Variants in EXO1 observed in about 807,000 individuals in gnomAD.
EXO1 encodes the protein exonuclease 1.
EXO1 carries 69 observed loss-of-function variants against 84.5 expected under a neutral mutation model. That is an observed-to-expected ratio of 0.82 (90% CI 0.67 to 1.00). The LOEUF is 1.00. EXO1 is among the 50% of genes least tolerant of loss of function. EXO1 has a pLI of 0.00. For missense variants in EXO1, 1,045 were observed against 1,000.7 expected, an observed-to-expected ratio of 1.04 and a Z score of -0.60; for synonymous variants, 373 against 366.1, an observed-to-expected ratio of 1.02 and a Z score of -0.21.
intron 14 of EXO1, among the ~76,000 whole-genome samples, chr1:241,884,666 T>G (rs1662946434): frequency 6.4e-5 from 1 of 15,620 alleles, no homozygotes; most frequent in Non-Finnish European, 2.8e-4. Flanking sequence ...TGTGTGTGTG[T>G]GTGTGTGTGT....
chr1:241,857,595 T>C (rs1303958826), intron 7 of EXO1, 113 bp downstream of exon 7: 1 of 351,520 alleles, frequency 2.8e-6, no homozygotes, highest in Non-Finnish European at 4.7e-6. Context: ...ATTTATAAAA[T>C]TTATAATATT....
At chr1:241,863,356 A>G (rs1469322901) in intron 10 of EXO1, among the ~76,000 whole-genome samples, 1 of 151,824 alleles carries the variant, frequency 6.6e-6, no homozygotes, top group Non-Finnish European at 1.5e-5. Flanking sequence ...ACTGATGTGT[A>G]TCCTCAGTTT....
chr1:241,887,035 G>A (rs1365944271), intron 15 of EXO1, among the ~76,000 whole-genome samples: 3 of 152,054 alleles, frequency 2.0e-5, no homozygotes, highest in African/African-American at 7.2e-5. Flanking sequence ...TTTAGATAGT[G>A]GTAAATTTTC....
In EXO1 at chr1:241,889,827, G is replaced by GT. The variant is rs1340513671; in HGVS notation, c.*232dup. ...AGAAGAATAATTGTATCTCTGACAG[G>GT]TTTTTGGAGGTTTTAGTGTTAATTG... is the stretch of plus-strand genomic sequence containing the variant. On this transcript the variant is annotated 3_prime_UTR_variant, in exon 16 of 16. Transcript: ENST00000366548. 1.9e-6 allele frequency: 1 copy of GT among 516,982 alleles called. No homozygotes were observed. Among genetic ancestry groups the GT allele is most frequent in the African/African-American group, 1.9e-5 (1 of 52,134 alleles). 32.0% of individuals were successfully genotyped at this position (516,982 alleles called of 1,614,324 possible). A position where few individuals can be genotyped will look rare whatever the true frequency, so the allele number is the denominator to read the frequency against.
At chr1:241,857,266 T>C in intron 6 of EXO1, 79 bp from the exon 7 acceptor site, 1 of 1,401,848 alleles carries the variant, frequency 7.1e-7, no homozygotes, top group Non-Finnish European at 1.0e-6. Flanking sequence ...AGGCTAGTAA[T>C]AAAGTGGGTT....
chr1:241,887,333 C>T (rs141671674), intron 15 of EXO1, among the ~76,000 whole-genome samples: 59 of 152,298 alleles, frequency 3.9e-4, no homozygotes, highest in Non-Finnish European at 6.6e-4. Flanking sequence ...AGGTGTGAGC[C>T]ACCTTGCCTG....
chr1:241,882,339 C>T (rs1056732713), intron 14 of EXO1, among the ~76,000 whole-genome samples: 5 of 152,046 alleles, frequency 3.3e-5, no homozygotes, highest in African/African-American at 7.2e-5. Flanking sequence ...AATAATACTG[C>T]AACCAAGATC....
rs141567727 is a variant in EXO1, at chr1:241,853,403, G to A, written c.327G>A (p.Glu109=). ...NLLKGKQLLR[E]GKVSEARECF... ...TTAAGGGAAAGCAACTTCTTCGTGAGGGGAAAGTCTCGGAAGCTCGAGAGT... is the reference window on the plus strand; with the variant it reads ...TTAAGGGAAAGCAACTTCTTCGTGAAGGGAAAGTCTCGGAAGCTCGAGAGT... The change falls in exon 6 of 16, where the codon GAG becomes GAA. Residue 109 remains glutamate (E), a synonymous_variant. Coordinates refer to ENST00000366548, the MANE Select transcript of EXO1 (RefSeq NM_130398.4). 1 of 1,613,900 alleles carries A rather than the reference G, an allele frequency of 6.2e-7. No homozygotes were observed. Among genetic ancestry groups the A allele is most frequent in the Non-Finnish European group, 8.5e-7 (1 of 1,179,834 alleles).
At chr1:241,872,412 T>C (rs374853900) in intron 12 of EXO1, 134 bp downstream of exon 12, 2 of 955,658 alleles carry the variant, frequency 2.1e-6, no homozygotes, top group African/African-American at 3.3e-5. Context: ...CGTGCAGTTT[T>C]GTTACATGGG....
rs780297678 is a variant in EXO1, at chr1:241,889,586, G to A, written c.2527G>A (p.Ala843Thr). 16 of 1,613,936 alleles carry A rather than the reference G, an allele frequency of 9.9e-6. No individual in the cohort carries two copies. The highest frequency in any genetic ancestry group is 1.1e-5 in the Non-Finnish European group (13 of 1,179,982). Residue 843 changes from alanine (A) to threonine (T), a missense_variant, in exon 16 of 16, where the codon GCA becomes ACA. Transcript: ENST00000366548. ...NKPECGRVQR[A>T]IFQ ...ACCTGAATGTGGCCGTGTTCAAAGA[G>A]CAATATTCCAGTAAATGCAGACTGC...
At chr1:241,872,972 C>T (rs553389665) in intron 12 of EXO1, among the ~76,000 whole-genome samples, 1 of 152,302 alleles carries the variant, frequency 6.6e-6, no homozygotes, top group Admixed American at 6.5e-5. Flanking sequence ...CTCCCACCAA[C>T]AGTGTAAAAG....
At chr1:241,859,025 A>G (rs906845447) in intron 8 of EXO1, among the ~76,000 whole-genome samples, 3 of 152,196 alleles carry the variant, frequency 2.0e-5, no homozygotes, top group African/African-American at 7.2e-5. Flanking sequence ...CTATAACTCT[A>G]TAGTAGTGGT....
Position 241,878,943 on chromosome 1 carries a change from G to T in EXO1, c.1709G>T (p.Gly570Val), listed in dbSNP as rs1474650502. The T allele has an allele frequency of 4.3e-6, 7 of 1,614,168 alleles. No homozygotes were observed. The highest frequency in any genetic ancestry group is 5.9e-6 in the Non-Finnish European group (7 of 1,180,018). Reference sequence around the variant, plus strand: ...GACATTCCGAATAATCATATTCCAGGTGATCATATTCCAGACAAGGCAACA... The same window carrying T: ...GACATTCCGAATAATCATATTCCAGTTGATCATATTCCAGACAAGGCAACA... ...SDDIPNNHIPGDHIPDKATVF... is the reference protein window; with the variant it reads ...SDDIPNNHIPVDHIPDKATVF... The change falls in exon 13 of 16, where the codon GGT becomes GTT. Residue 570 changes from glycine to valine, a missense_variant. Gly to Val is a moderately radical substitution (Grantham distance 109). Transcript: ENST00000366548.
rs1660714261 is a variant in EXO1 at position 241,852,274 on chromosome 1, T to A, written c.162-18T>A. On this transcript the variant is annotated intron_variant, in intron 4 of 15. Transcript: ENST00000366548. ...TTAAGAAAGGTGAAGCACTGAATGT[T>A]TTTCTTTTTTTCCATAGGTATGTAG... The A allele has an allele frequency of 5.0e-6, 8 of 1,595,706 alleles. No individual in the cohort carries two copies. The highest frequency in any genetic ancestry group is 6.9e-6 in the Non-Finnish European group (8 of 1,166,488).
chr1:241,870,000 C>T (rs1225857739), intron 11 of EXO1, among the ~76,000 whole-genome samples: 3 of 152,054 alleles, frequency 2.0e-5, no homozygotes, highest in Non-Finnish European at 2.9e-5. Flanking sequence ...TTAGTAGAGA[C>T]GGGGTTTCAC....
intron 7 of EXO1, 85 bp downstream of exon 7, chr1:241,857,567 A>G (rs1319505787): frequency 1.6e-6 from 1 of 623,482 alleles, no homozygotes; most frequent in Non-Finnish European, 2.5e-6. Flanking sequence ...TGTCCAGGAA[A>G]TTATGATAAT....
At chr1:241,883,557 T>G (rs1001890288) in intron 14 of EXO1, among the ~76,000 whole-genome samples, 2 of 152,176 alleles carry the variant, frequency 1.3e-5, no homozygotes, top group Admixed American at 6.6e-5. Flanking sequence ...AATATGAATG[T>G]GAGGGAGACA....
Position 241,870,102 on chromosome 1 carries a change from G to A in EXO1, c.1268-1930G>A, listed in dbSNP as rs568114334. 5.9e-5 allele frequency among the ~76,000 whole-genome samples: 9 copies of A among 152,226 alleles called. No individual in the cohort carries two copies. The East Asian group carries it at 1.5e-3, about 26-fold the overall frequency. Reference sequence around the variant, plus strand: ...TGGGAATACAGGTGTGAGCCACTGCGCCTGGCCTGTACATGTTCTTTCATT... The same window carrying A: ...TGGGAATACAGGTGTGAGCCACTGCACCTGGCCTGTACATGTTCTTTCATT... On this transcript the variant is annotated intron_variant, in intron 11 of 15. Coordinates refer to ENST00000366548, the MANE Select transcript of EXO1 (RefSeq NM_130398.4).
rs1249567415 is a variant in EXO1 at position 241,850,708 on chromosome 1, G to C, written c.161+122G>C. The C allele has an allele frequency of 9.9e-6, 8 of 804,676 alleles. No homozygotes were observed. In the African/African-American group the frequency reaches 1.4e-4, roughly 14 times the overall value. The allele number at this position is 804,676 out of a possible 1,614,324, so 49.8% of individuals were successfully genotyped here. On this transcript the variant is annotated intron_variant, in intron 4 of 15. Coordinates refer to ENST00000366548, the MANE Select transcript of EXO1 (RefSeq NM_130398.4). The stretch of plus-strand genomic sequence containing the variant: ...CAGAACTTATCAGGAAGTAAAAGTT[G>C]TATGTTTTAGAATATTCCCAAATCA...
Sources: allele counts gnomAD v4.1 joint callset (sites outside exome capture counted in the v4.1 genomes callset), GRCh38; gene constraint gnomAD v4.1.1; transcripts MANE v1.5; gene names NCBI Gene and HGNC (gene_info 2026-07-23, HGNC 2026-07-21).